FAM135B: variants seen among roughly 807,000 people sequenced by gnomAD.
FAM135B encodes family with sequence similarity 135 member B.
In FAM135B, 43 loss-of-function variants were observed where a neutral mutation model predicts 127.7. That is an observed-to-expected ratio of 0.34 (90% CI 0.26 to 0.43). The LOEUF (loss-of-function observed/expected upper bound fraction) is 0.43, where lower values mean the gene tolerates loss of function less well. FAM135B is among the 20% of genes least tolerant of loss of function. FAM135B has a pLI of 1.00. For synonymous variants in FAM135B, 670 were observed against 665.1 expected, an observed-to-expected ratio of 1.01 and a Z score of -0.11; for missense variants, 1,558 against 1,725.6, an observed-to-expected ratio of 0.90 and a Z score of 1.72.
At chr8:138,228,452 C>T (rs2130168297) in intron 7 of FAM135B, among the ~76,000 whole-genome samples, 1 of 152,154 alleles carries the variant, frequency 6.6e-6, no homozygotes, top group South Asian at 2.1e-4. Context: ...GGTTGTTTAC[C>T]ACTACTGAGC....
chr8:138,310,994 A>G, intron 2 of FAM135B, 74 bp from the exon 3 acceptor site: 2 of 1,227,476 alleles, frequency 1.6e-6, no homozygotes, highest in South Asian at 1.3e-5. Context: ...ACCTAGAATT[A>G]ATCCTGAAAG....
At position 138,153,953 on chromosome 8, in the gene FAM135B, C is replaced by T. The variant is rs147334412; in HGVS notation, c.1259-737G>A. Among the ~76,000 whole-genome samples the T allele has an allele frequency of 2.9e-3, 440 of 152,312 alleles. 1 individual carries two copies. The highest frequency in any genetic ancestry group is 9.8e-3 in the African/African-American group (406 of 41,574). On this transcript the variant is annotated intron_variant, in intron 12 of 19. Coordinates refer to ENST00000395297, the MANE Select transcript of FAM135B (RefSeq NM_015912.4). Reference sequence around the variant, plus strand: ...GAAGAGAGTAGTGGTTCTCCCAGCACGGAGTTTGAAATCTGAGAACAGACA... The same window carrying T: ...GAAGAGAGTAGTGGTTCTCCCAGCATGGAGTTTGAAATCTGAGAACAGACA...
intron 11 of FAM135B, among the ~76,000 whole-genome samples, chr8:138,174,139 C>T (rs939510698): frequency 1.3e-5 from 2 of 152,162 alleles, no homozygotes; most frequent in African/African-American, 4.8e-5. Flanking sequence ...CTATCCTATC[C>T]TATTTCATTT....
At chr8:138,398,411 G>A (rs539693403) in intron 1 of FAM135B, among the ~76,000 whole-genome samples, 8 of 152,324 alleles carry the variant, frequency 5.3e-5, no homozygotes, top group Non-Finnish European at 7.4e-5. Flanking sequence ...CAATTTACAA[G>A]TCAAAACCTT....
At chr8:138,154,791 T>G (rs1023522082) in intron 12 of FAM135B, among the ~76,000 whole-genome samples, 3 of 152,174 alleles carry the variant, frequency 2.0e-5, no homozygotes, top group Non-Finnish European at 2.9e-5. Context: ...AATACGGGAC[T>G]ATGTGAAAAG....
intron 1 of FAM135B, among the ~76,000 whole-genome samples, chr8:138,423,784 A>G (rs1161985193): frequency 6.6e-6 from 1 of 152,060 alleles, no homozygotes; most frequent in African/African-American, 2.4e-5. Context: ...ATCCTAATAA[A>G]CCTGGGAGCA....
intron 19 of FAM135B, 81 bp downstream of exon 19, chr8:138,137,066 C>G: frequency 1.3e-6 from 1 of 778,136 alleles, no homozygotes. Flanking sequence ...CCCAGGTGTT[C>G]CCAATAGGCA....
intron 1 of FAM135B, among the ~76,000 whole-genome samples, chr8:138,426,327 A>C (rs1834888187): frequency 6.6e-6 from 1 of 151,508 alleles, no homozygotes; most frequent in Non-Finnish European, 1.5e-5. Flanking sequence ...GAGATTACCA[A>C]GTGTGGATGT....
At chr8:138,280,517 T>A (rs7833852) in intron 3 of FAM135B, among the ~76,000 whole-genome samples, 145,384 of 152,238 alleles carry the variant, frequency 0.95, 69,627 homozygotes, top group Non-Finnish European at 1. Flanking sequence ...TGACCAAGCA[T>A]TCATTCCTCC....
intron 3 of FAM135B, among the ~76,000 whole-genome samples, chr8:138,284,796 G>A (rs1824541057): frequency 6.6e-6 from 1 of 151,882 alleles, no homozygotes; most frequent in African/African-American, 2.4e-5. Flanking sequence ...CTGGATACAA[G>A]CTAGTGGTGT....
chr8:138,248,891 T>C (rs968102958), intron 6 of FAM135B, among the ~76,000 whole-genome samples: 1 of 151,712 alleles, frequency 6.6e-6, no homozygotes, highest in Non-Finnish European at 1.5e-5. Flanking sequence ...CATTGACTTA[T>C]ATGTTGAAAC....
At chr8:138,206,996 G>C (rs547602998) in intron 7 of FAM135B, among the ~76,000 whole-genome samples, 6 of 152,000 alleles carry the variant, frequency 3.9e-5, no homozygotes, top group Non-Finnish European at 7.4e-5. Context: ...CATGGCTCCA[G>C]CATCAAAGGA....
chr8:138,195,108 G>A (rs181598629), intron 9 of FAM135B, 150 bp downstream of exon 9: 4 of 690,020 alleles, frequency 5.8e-6, no homozygotes, highest in East Asian at 2.6e-5. Flanking sequence ...TAGGGTAACA[G>A]AATGTAAGAA....
chr8:138,175,420 G>C (rs1446672639), intron 11 of FAM135B, among the ~76,000 whole-genome samples: 6 of 152,184 alleles, frequency 3.9e-5, no homozygotes, highest in South Asian at 2.1e-4. Flanking sequence ...ATGGCTTGCT[G>C]TAACCCCAGA....
rs1464739684 is a variant in FAM135B, at chr8:138,130,395, C to T, written c.*2198G>A. 1 of 151,902 alleles carries T rather than the reference C, an allele frequency of 6.6e-6. No individual in the cohort carries two copies. Among genetic ancestry groups the T allele is most frequent in the African/African-American group, 2.4e-5 (1 of 41,344 alleles). 9.4% of individuals were successfully genotyped at this position (151,902 alleles called of 1,614,324 possible). A position where few individuals can be genotyped will look rare whatever the true frequency, so the allele number is the denominator to read the frequency against. On this transcript the variant is annotated 3_prime_UTR_variant, in exon 20 of 20. Transcript: ENST00000395297. ...AGGGTTTACAAAGACAGCAGAGCAC[C>T]CCTATAAAAAAGAGGTGCACCATGC...
At chr8:138,274,458 G>A (rs571915206) in intron 3 of FAM135B, among the ~76,000 whole-genome samples, 12 of 152,312 alleles carry the variant, frequency 7.9e-5, no homozygotes, top group East Asian at 3.9e-4. Flanking sequence ...GAGGCAGGGC[G>A]AGATCACAGG....
chr8:138,232,476 C>A (rs1200271324), intron 7 of FAM135B, among the ~76,000 whole-genome samples: 2 of 152,132 alleles, frequency 1.3e-5, no homozygotes, highest in African/African-American at 4.8e-5. Flanking sequence ...TGAAAATGAA[C>A]TGTGGAAATA....
chr8:138,400,882 CT>C (rs1833120896), intron 1 of FAM135B, among the ~76,000 whole-genome samples: 1 of 152,168 alleles, frequency 6.6e-6, no homozygotes, highest in African/African-American at 2.4e-5. Flanking sequence ...CACTGCAAGA[CT>C]ATATGCAATT....
intron 7 of FAM135B, among the ~76,000 whole-genome samples, chr8:138,235,940 C>T (rs1820237912): frequency 6.6e-6 from 1 of 152,154 alleles, no homozygotes; most frequent in Non-Finnish European, 1.5e-5. Flanking sequence ...ACTTTGTTGG[C>T]CAGCACACTC....
Sources: gnomAD v4.1 joint callset for allele counts (sites outside exome capture counted in the v4.1 genomes callset) on GRCh38, gnomAD v4.1.1 for gene constraint, MANE v1.5 for transcripts, NCBI Gene and HGNC (gene_info 2026-07-23, HGNC 2026-07-21) for gene names.